EEA1: variants seen among roughly 807,000 people sequenced by gnomAD.
EEA1 encodes the protein early endosome antigen 1, 162kD.
EEA1 carries 111 observed loss-of-function variants against 209.2 expected under a neutral mutation model. The ratio of observed to expected loss-of-function variants is 0.53; its 90% CI spans 0.45 to 0.62. The LOEUF (loss-of-function observed/expected upper bound fraction) is 0.62. EEA1 is among the 20% of genes least tolerant of loss of function. The pLI is 0.00. For synonymous variants in EEA1, 536 were observed against 540.6 expected (o/e 0.99, Z 0.12); for missense variants, 1,343 against 1,530.8 (o/e 0.88, Z 2.05).
At chr12:92,812,650 C>T (rs1875574382) in intron 16 of EEA1, among the ~76,000 whole-genome samples, 1 of 152,106 alleles carries the variant, frequency 6.6e-6, no homozygotes, top group Non-Finnish European at 1.5e-5. Context: ...ATCCAATCAC[C>T]AACACTTGAA....
intron 22 of EEA1, among the ~76,000 whole-genome samples, chr12:92,783,228 A>G (rs887493025): frequency 5.9e-5 from 9 of 152,116 alleles, no homozygotes; most frequent in African/African-American, 1.9e-4. Context: ...TGAGCCCCCA[A>G]TCTGTGGGAT....
At chr12:92,834,616 G>C (rs1403106332) in intron 10 of EEA1, among the ~76,000 whole-genome samples, 2 of 146,926 alleles carry the variant, frequency 1.4e-5, no homozygotes, top group African/African-American at 5.0e-5. Context: ...AGTAAGAAGA[G>C]CAACCATTAA....
At chr12:92,895,975 CTT>C (rs910254277) in intron 1 of EEA1, among the ~76,000 whole-genome samples, 3 of 143,290 alleles carry the variant, frequency 2.1e-5, no homozygotes, top group Admixed American at 7.0e-5. Context: ...TGATAATTTT[CTT>C]TTTTTTTTTT....
At chr12:92,883,488 C>G (rs1371954989) in intron 2 of EEA1, among the ~76,000 whole-genome samples, 1 of 152,142 alleles carries the variant, frequency 6.6e-6, no homozygotes, top group African/African-American at 2.4e-5. Context: ...TCTCCCGACA[C>G]TAATGTCCAG....
At chr12:92,831,603 AATAT>A (rs1190434574) in intron 11 of EEA1, among the ~76,000 whole-genome samples, 2 of 146,928 alleles carry the variant, frequency 1.4e-5, no homozygotes, top group African/African-American at 4.9e-5. Flanking sequence ...ATATTTCATA[AATAT>A]ATAAATATAT....
chr12:92,900,964 C>T (rs1040807797), intron 1 of EEA1, among the ~76,000 whole-genome samples: 7 of 152,138 alleles, frequency 4.6e-5, no homozygotes, highest in African/African-American at 1.7e-4. Flanking sequence ...CCAACACGTC[C>T]AGCCTAAACT....
chr12:92,902,224 G>A (rs1469403961), intron 1 of EEA1, among the ~76,000 whole-genome samples: 1 of 152,058 alleles, frequency 6.6e-6, no homozygotes, highest in Non-Finnish European at 1.5e-5. Flanking sequence ...ATATTATTAA[G>A]ATGGAACCAA....
intron 10 of EEA1, chr12:92,835,315 T>C (rs1876867792): frequency 3.8e-6 from 1 of 261,110 alleles, no homozygotes; most frequent in Non-Finnish European, 7.7e-6. Context: ...ATATAATGAG[T>C]TAGAGTCTTC....
intron 12 of EEA1, among the ~76,000 whole-genome samples, chr12:92,827,320 C>T (rs1362362752): frequency 6.6e-6 from 1 of 152,068 alleles, no homozygotes; most frequent in African/African-American, 2.4e-5. Context: ...AGCCATTACA[C>T]TCCAGCCAGG....
At chr12:92,884,647 A>G (rs10859387) in intron 2 of EEA1, 828,951 of 1,285,304 alleles carry the variant, frequency 0.64, 273,867 homozygotes, top group East Asian at 0.95. Context: ...CATGAAACCA[A>G]GGTGGCTATG....
At position 92,777,862 on chromosome 12, in the gene EEA1, A is replaced by G. The variant is rs1175513003; in HGVS notation, c.3893+79T>C. On this transcript the variant is annotated intron_variant, in intron 26 of 28. Coordinates refer to ENST00000322349, the MANE Select transcript of EEA1 (RefSeq NM_003566.4). ...TATGCACTTTTCTCAAGATTCTTCT[A>G]TTTTTAAAAACTATGGAATATGACA... The G allele has an allele frequency of 5.6e-6, 8 of 1,438,638 alleles. No individual in the cohort carries two copies. The African/African-American group carries it at 5.7e-5, about 10-fold the overall frequency. 89.1% of individuals were successfully genotyped at this position (1,438,638 alleles called of 1,614,324 possible). A position where few individuals can be genotyped will look rare whatever the true frequency, so the allele number is the denominator to read the frequency against.
At chr12:92,842,005 C>T (rs1877185318) in intron 10 of EEA1, among the ~76,000 whole-genome samples, 1 of 152,050 alleles carries the variant, frequency 6.6e-6, no homozygotes, top group Admixed American at 6.6e-5. Context: ...ATACATACAA[C>T]AAAATGTTAT....
chr12:92,909,726 C>T (rs1294650437), intron 1 of EEA1, among the ~76,000 whole-genome samples: 1 of 152,166 alleles, frequency 6.6e-6, no homozygotes, highest in Admixed American at 6.5e-5. Flanking sequence ...GTTATAAAGA[C>T]AAGCTTGTGG....
At chr12:92,850,473 T>C (rs971740500) in intron 9 of EEA1, among the ~76,000 whole-genome samples, 6 of 152,096 alleles carry the variant, frequency 3.9e-5, no homozygotes, top group African/African-American at 1.4e-4. Flanking sequence ...GCAGACCGTC[T>C]GAGGTCAGGA....
At chr12:92,860,964 A>G (rs1204817212) in intron 3 of EEA1, among the ~76,000 whole-genome samples, 1 of 151,928 alleles carries the variant, frequency 6.6e-6, no homozygotes, top group Admixed American at 6.6e-5. Flanking sequence ...AGCTCTGTAA[A>G]TAGGGGGGAA....
chr12:92,821,869 T>C (rs1161818932), intron 13 of EEA1, among the ~76,000 whole-genome samples: 2 of 150,008 alleles, frequency 1.3e-5, no homozygotes, highest in African/African-American at 2.4e-5. Flanking sequence ...CCATGTTTAA[T>C]AATATAAATC....
chr12:92,848,645 G>A (rs1217120547), intron 9 of EEA1, among the ~76,000 whole-genome samples: 1 of 146,606 alleles, frequency 6.8e-6, no homozygotes, highest in Non-Finnish European at 1.5e-5. Flanking sequence ...TTAGAAATGA[G>A]TAATTCTTAA....
At position 92,777,677 on chromosome 12, in the gene EEA1, C is replaced by CA; in HGVS notation, c.3894-15dup. 7 of 1,606,266 alleles carry CA rather than the reference C, an allele frequency of 4.4e-6. No homozygotes were observed. Among genetic ancestry groups the CA allele is most frequent in the Non-Finnish European group, 5.9e-6 (7 of 1,176,614 alleles). The stretch of plus-strand genomic sequence containing the variant: ...CCTTTAAGACATCTGGAATAGATTG[C>CA]AAAGAGGTAATTAATTTTTTAGAAA... On this transcript the variant is annotated splice_polypyrimidine_tract_variant and intron_variant, in intron 26 of 28. Transcript: ENST00000322349.
At chr12:92,865,635 A>G (rs1348453155) in intron 2 of EEA1, among the ~76,000 whole-genome samples, 2 of 152,226 alleles carry the variant, frequency 1.3e-5, no homozygotes, top group East Asian at 3.9e-4. Flanking sequence ...GATGCTGATA[A>G]AGATCCATGT....
Sources: gnomAD v4.1 joint callset for allele counts (sites outside exome capture counted in the v4.1 genomes callset) on GRCh38, gnomAD v4.1.1 for gene constraint, MANE v1.5 for transcripts, NCBI Gene and HGNC (gene_info 2026-07-23, HGNC 2026-07-21) for gene names.